The following SLC14A2 variants were observed in gnomAD, a reference collection of about 807,000 sequenced individuals.
SLC14A2 encodes the protein urea transporter 2.
A neutral mutation model predicts 104.6 loss-of-function variants in SLC14A2; 91 were observed. The ratio of observed to expected loss-of-function variants is 0.87; its 90% CI spans 0.73 to 1.04. The LOEUF (loss-of-function observed/expected upper bound fraction) is 1.04. SLC14A2 is among the 50% of genes least tolerant of loss of function. The pLI, the probability that SLC14A2 is intolerant of heterozygous loss-of-function variation, is 0.00. For missense variants in SLC14A2, 1,189 were observed against 1,156.0 expected (o/e 1.03, Z -0.41); for synonymous variants, 476 against 466.4 (o/e 1.02, Z -0.27).
intron 18 of SLC14A2, among the ~76,000 whole-genome samples, chr18:45,676,064 G>C (rs575338723): frequency 6.6e-6 from 1 of 152,130 alleles, no homozygotes; most frequent in African/African-American, 2.4e-5. Flanking sequence ...CTATGCCTAA[G>C]TTCCTTCCTT....
intron 1 of SLC14A2, among the ~76,000 whole-genome samples, chr18:45,258,826 G>C (rs1403357347): frequency 9.7e-6 from 1 of 102,890 alleles, no homozygotes; most frequent in Non-Finnish European, 2.0e-5. Context: ...AGATGACTAG[G>C]GGTGTGACTT....
intron 1 of SLC14A2, among the ~76,000 whole-genome samples, chr18:45,399,275 G>T (rs772067053): frequency 1.3e-4 from 20 of 152,166 alleles, no homozygotes; most frequent in Non-Finnish European, 2.2e-4. Flanking sequence ...AGATAACCTT[G>T]GACTTTAGGC....
intron 1 of SLC14A2, among the ~76,000 whole-genome samples, chr18:45,475,660 T>TATATATATATATTTAGG (rs2087359733): frequency 2.7e-5 from 3 of 111,378 alleles, no homozygotes; most frequent in African/African-American, 3.7e-5. Context: ...TATATATATA[T>TATATATATATATTTAGG]ATATATATAT....
intron 2 of SLC14A2, among the ~76,000 whole-genome samples, chr18:45,568,298 G>A (rs1207355753): frequency 6.6e-6 from 1 of 152,232 alleles, no homozygotes; most frequent in African/African-American, 2.4e-5. Flanking sequence ...GAGCTCTATG[G>A]GCACAGCCAG....
chr18:45,638,526 C>T (rs540621007), intron 6 of SLC14A2, among the ~76,000 whole-genome samples: 4 of 152,282 alleles, frequency 2.6e-5, no homozygotes, highest in South Asian at 2.1e-4. Flanking sequence ...AATCTCCCAT[C>T]GCACACTAGA....
chr18:45,190,017 G>A, the SLC14A2 span, among the ~76,000 whole-genome samples: 1 of 152,262 alleles, frequency 6.6e-6, no homozygotes, highest in Non-Finnish European at 1.5e-5. Context: ...ACAAGATACA[G>A]CTGATACCTG....
chr18:45,613,447 G>A (rs778877031), upstream of SLC14A2, among the ~76,000 whole-genome samples: 10 of 152,192 alleles, frequency 6.6e-5, no homozygotes, highest in Admixed American at 5.9e-4. Context: ...GGCAGAGGTT[G>A]GAACAGTTTG....
intron 1 of SLC14A2, among the ~76,000 whole-genome samples, chr18:45,366,263 G>A (rs944781443): frequency 6.6e-6 from 1 of 152,072 alleles, no homozygotes; most frequent in African/African-American, 2.4e-5. Flanking sequence ...CATCCTTCCT[G>A]GGCTCAATCC....
chr18:45,373,149 G>A (rs1336074629), intron 1 of SLC14A2, among the ~76,000 whole-genome samples: 3 of 152,178 alleles, frequency 2.0e-5, no homozygotes, highest in East Asian at 3.8e-4. Flanking sequence ...AGGGTTTATT[G>A]CTATGTATGC....
At chr18:45,588,648 G>A (rs749867986) in intron 2 of SLC14A2, among the ~76,000 whole-genome samples, 77 of 152,154 alleles carry the variant, frequency 5.1e-4, no homozygotes, top group Non-Finnish European at 3.5e-4. Flanking sequence ...GGATACCCAC[G>A]GTCCTCACGG....
Position 45,425,281 on chromosome 18 carries a change from T to G in SLC14A2, c.-124-57952T>G, listed in dbSNP as rs149487468. Among the ~76,000 whole-genome samples the G allele has an allele frequency of 5.9e-5, 9 of 152,342 alleles. No individual in the cohort carries two copies. In the East Asian group the frequency reaches 1.5e-3, roughly 26 times the overall value. On this transcript the variant is annotated intron_variant, in intron 1 of 20. Transcript: ENST00000586448. ...AACCCTAGAATTAATGTAAGAGATA[T>G]GTAACAATTCTAAGATTGTTAATTC...
intron 1 of SLC14A2, among the ~76,000 whole-genome samples, chr18:45,443,484 G>A (rs1426263873): frequency 6.6e-6 from 1 of 152,152 alleles, no homozygotes; most frequent in Non-Finnish European, 1.5e-5. Flanking sequence ...TGGCAGAACT[G>A]TCTCTGGAAT....
chr18:45,413,991 G>A (rs943599722), intron 1 of SLC14A2, among the ~76,000 whole-genome samples: 1 of 152,134 alleles, frequency 6.6e-6, no homozygotes, highest in Non-Finnish European at 1.5e-5. Context: ...TATATTTGAA[G>A]AATGAGACCT....
intron 1 of SLC14A2, among the ~76,000 whole-genome samples, chr18:45,239,193 A>G (rs111750764): frequency 5.9e-5 from 9 of 152,286 alleles, no homozygotes; most frequent in Non-Finnish European, 8.8e-5. Flanking sequence ...GGAGGAAACT[A>G]CAAGCCAGTC....
intron 2 of SLC14A2, among the ~76,000 whole-genome samples, chr18:45,543,286 G>C (rs1356274857): frequency 3.3e-5 from 5 of 151,738 alleles, no homozygotes; most frequent in Non-Finnish European, 7.4e-5. Context: ...AAAATAATAG[G>C]CTTACCCAAG....
chr18:45,668,005 C>T lies in SLC14A2; in HGVS notation c.1890C>T (p.Leu630=), dbSNP rs962271551. 9 of 1,613,998 alleles carry T rather than the reference C, an allele frequency of 5.6e-6. No homozygotes were observed. The African/African-American group carries it at 1.2e-4, about 22-fold the overall frequency. Residue 630 remains leucine (L), a synonymous_variant, in exon 14 of 20, where the codon CTC becomes CTT. Coordinates refer to ENST00000255226, the MANE Select transcript of SLC14A2 (RefSeq NM_007163.4). ...CCATCATGTCCACCTTGACAGCCCT[C>T]ATCCTGAGTCAGGACAAGTAAGTCC... ...LGTIMSTLTA[L]ILSQDKSAIA... is the part of the protein sequence containing the mutation.
At chr18:45,586,166 G>C (rs1194644881) in intron 2 of SLC14A2, among the ~76,000 whole-genome samples, 1 of 152,242 alleles carries the variant, frequency 6.6e-6, no homozygotes, top group Non-Finnish European at 1.5e-5. Flanking sequence ...TTAAAGTGAG[G>C]TGGGTTAGAC....
At chr18:45,560,778 T>C (rs902660035) in intron 2 of SLC14A2, among the ~76,000 whole-genome samples, 2 of 152,116 alleles carry the variant, frequency 1.3e-5, no homozygotes, top group African/African-American at 2.4e-5. Context: ...CCCTCACCTC[T>C]TTCATGTCCT....
intron 2 of SLC14A2, among the ~76,000 whole-genome samples, chr18:45,598,861 T>C (rs186875414): frequency 2.6e-5 from 4 of 152,346 alleles, no homozygotes; most frequent in Non-Finnish European, 5.9e-5. Flanking sequence ...CTCAATATTC[T>C]AACTAAAGCA....
Sources: gnomAD v4.1 joint callset for allele counts (sites outside exome capture counted in the v4.1 genomes callset) on GRCh38, gnomAD v4.1.1 for gene constraint, MANE v1.5 for transcripts, NCBI Gene and HGNC (gene_info 2026-07-23, HGNC 2026-07-21) for gene names.